BCL2L15: variants seen among roughly 807,000 people sequenced by gnomAD.
The protein encoded by BCL2L15 is BCL2 like 15.
Under a neutral mutation model 18.3 loss-of-function variants are expected in BCL2L15, and 15 were observed. The ratio of observed to expected loss-of-function variants is 0.82; its 90% CI spans 0.55 to 1.26. The LOEUF (loss-of-function observed/expected upper bound fraction) is 1.26. Ranked by LOEUF, BCL2L15 falls within the 50% of genes most tolerant of loss-of-function variation. The pLI is 0.00. For missense variants in BCL2L15, 180 were observed against 201.7 expected (o/e 0.89, Z 0.65); for synonymous variants, 58 against 68.5 (o/e 0.85, Z 0.76).
intron 2 of BCL2L15, among the ~76,000 whole-genome samples, chr1:113,883,158 G>A (rs1666929947): frequency 6.6e-6 from 1 of 152,000 alleles, no homozygotes; most frequent in African/African-American, 2.4e-5. Flanking sequence ...AGAGCACCTA[G>A]ATCTTGATTT....
chr1:113,878,157 A>G lies in BCL2L15; in HGVS notation c.*2966T>C, dbSNP rs1191854244. 1 of 152,270 alleles carries G rather than the reference A, an allele frequency of 6.6e-6. No individual in the cohort carries two copies. The highest frequency in any genetic ancestry group is 1.5e-5 in the Non-Finnish European group (1 of 68,034). 9.4% of individuals were successfully genotyped at this position (152,270 alleles called of 1,614,324 possible). ...ATGGCACAGTGTTTAAAATATTCCA[A>G]GTACTCACCCTTTACAAAATGTATT... On this transcript the variant is annotated 3_prime_UTR_variant, in exon 4 of 4. Transcript: ENST00000393316.
In BCL2L15 at chr1:113,881,759, C is replaced by T; in HGVS notation, c.474+14G>A. The T allele has an allele frequency of 6.2e-7, 1 of 1,610,960 alleles. No homozygotes were observed. The highest frequency in any genetic ancestry group is 8.5e-7 in the Non-Finnish European group (1 of 1,177,812). On this transcript the variant is annotated intron_variant, in intron 3 of 3. Transcript: ENST00000393316. Reference sequence around the variant, plus strand: ...GCAAATACCTAGCAAAACCAGGAGCCCCAACAAACTTACCCAACCTCCCTG... The same window carrying T: ...GCAAATACCTAGCAAAACCAGGAGCTCCAACAAACTTACCCAACCTCCCTG...
chr1:113,886,669 G>A lies in BCL2L15; in HGVS notation c.128-11C>T. The A allele has an allele frequency of 6.3e-7, 1 of 1,592,286 alleles. No homozygotes were observed. Among genetic ancestry groups the A allele is most frequent in the Non-Finnish European group, 8.5e-7 (1 of 1,173,494 alleles). ...AAGAACAAGGCTCTCCTATGACAGA[G>A]GGAACACATTTGTTACAATGCTTGA... On this transcript the variant is annotated splice_polypyrimidine_tract_variant and intron_variant, in intron 1 of 3. Coordinates refer to ENST00000393316, the MANE Select transcript of BCL2L15 (RefSeq NM_001010922.3).
chr1:113,882,849 A>G (rs1666920417), intron 2 of BCL2L15, among the ~76,000 whole-genome samples: 1 of 152,124 alleles, frequency 6.6e-6, no homozygotes. Context: ...CTGAGGTTGG[A>G]GGATCACTTA....
Position 113,877,648 on chromosome 1 carries a change from A to G in BCL2L15, c.*3475T>C, listed in dbSNP as rs1233617764. On this transcript the variant is annotated 3_prime_UTR_variant, in exon 4 of 4. Transcript: ENST00000393316. Reference sequence around the variant, plus strand: ...TGATACCATATCTAAAAATGAATCAAAATAATAGACAAAGAAACCACAGCT... The same window carrying G: ...TGATACCATATCTAAAAATGAATCAGAATAATAGACAAAGAAACCACAGCT... Among the ~76,000 whole-genome samples, 2 of 152,232 alleles carry G rather than the reference A, an allele frequency of 1.3e-5. No individual in the cohort carries two copies. The highest frequency in any genetic ancestry group is 2.9e-5 in the Non-Finnish European group (2 of 68,036).
At chr1:113,886,417 T>C (rs1667036955) in intron 2 of BCL2L15, 120 bp downstream of exon 2, 1 of 1,151,756 alleles carries the variant, frequency 8.7e-7, no homozygotes, top group Non-Finnish European at 1.2e-6. Context: ...TTCCTTGAAA[T>C]ATAAGCACCC....
At chr1:113,883,431 G>A (rs1165930969) in intron 2 of BCL2L15, among the ~76,000 whole-genome samples, 7 of 150,744 alleles carry the variant, frequency 4.6e-5, no homozygotes, top group Admixed American at 3.3e-4. Context: ...GAAGAGAGCC[G>A]AGATTGCGCC....
Position 113,887,431 on chromosome 1 carries a change from A to G in BCL2L15, c.-56T>C. On this transcript the variant is annotated 5_prime_UTR_variant, in exon 1 of 4. Transcript: ENST00000393316. ...CCACGAAACAAGCAGTTTTCAGCCC[A>G]GCAGGAAGTTAAAAACACTGGTAAA... 1 of 1,610,880 alleles carries G rather than the reference A, an allele frequency of 6.2e-7. No homozygotes were observed. The highest frequency in any genetic ancestry group is 8.5e-7 in the Non-Finnish European group (1 of 1,177,980).
chr1:113,877,018 A>G lies in BCL2L15; in HGVS notation c.*4105T>C, dbSNP rs1020580986. ...AAGAAACATAAAAGTGGTACAAACA[A>G]AAGTTCAAGGAGGCAAAGACCACTT... is the stretch of plus-strand genomic sequence containing the variant. On this transcript the variant is annotated 3_prime_UTR_variant, in exon 4 of 4. Transcript: ENST00000393316. Among the ~76,000 whole-genome samples the G allele has an allele frequency of 4.6e-5, 7 of 152,164 alleles. No homozygotes were observed. The highest frequency in any genetic ancestry group is 1.7e-4 in the African/African-American group (7 of 41,436).
At position 113,887,282 on chromosome 1, in the gene BCL2L15, G is replaced by A. The variant is rs528339863; in HGVS notation, c.94C>T (p.Arg32Trp). ...FLSPTLQVAS[R>W]NLCCVDEVDS... ...ACTTCATCTACACAGCATAGGTTCC[G>A]GCTGGCAACCTGCAATGTTGGGCTC... Residue 32 changes from arginine (R) to tryptophan (W), a missense_variant, in exon 1 of 4, where the codon CGG (arginine) becomes TGG (tryptophan). Physicochemically the swap from Arg to Trp is moderately radical, Grantham distance 101. Transcript: ENST00000393316. The A allele has an allele frequency of 3.2e-5, 51 of 1,614,106 alleles. No individual in the cohort carries two copies. Among genetic ancestry groups the A allele is most frequent in the South Asian group, 1.8e-4 (16 of 91,080 alleles).
Position 113,881,973 on chromosome 1 carries a change from C to G in BCL2L15, c.274G>C (p.Val92Leu). 1.2e-6 allele frequency: 2 copies of G among 1,613,940 alleles called. No individual in the cohort carries two copies. The highest frequency in any genetic ancestry group is 1.7e-6 in the Non-Finnish European group (2 of 1,179,838). Reference sequence around the variant, plus strand: ...CACCAGGTCTTGCTGAGAGATTCCACAGTGTCCTGGAGTATAGCTCCTGTC... The same window carrying G: ...CACCAGGTCTTGCTGAGAGATTCCAGAGTGTCCTGGAGTATAGCTCCTGTC... ...GQTGAILQDT[V>L]ESLSKTWCAQ... The change falls in exon 3 of 4, where the codon GTG (valine) becomes CTG (leucine). Residue 92 changes from valine to leucine, a missense_variant. Val to Leu is a conservative substitution (Grantham distance 32). Coordinates refer to ENST00000393316, the MANE Select transcript of BCL2L15 (RefSeq NM_001010922.3).
At chr1:113,883,918 G>C (rs1666958569) in intron 2 of BCL2L15, among the ~76,000 whole-genome samples, 1 of 152,208 alleles carries the variant, frequency 6.6e-6, no homozygotes, top group South Asian at 2.1e-4. Flanking sequence ...ATGCAGTCTA[G>C]AGTGAAAGGA....
chr1:113,882,518 G>A (rs1666905866), intron 2 of BCL2L15, among the ~76,000 whole-genome samples: 1 of 151,896 alleles, frequency 6.6e-6, no homozygotes, highest in South Asian at 2.1e-4. Flanking sequence ...GGTGGTACAG[G>A]CCTGTAATCC....
chr1:113,881,003 G>A lies in BCL2L15; in HGVS notation c.*120C>T. 1 of 1,415,788 alleles carries A rather than the reference G, an allele frequency of 7.1e-7. No homozygotes were observed. The highest frequency in any genetic ancestry group is 9.9e-7 in the Non-Finnish European group (1 of 1,008,764). 87.7% of individuals were successfully genotyped at this position (1,415,788 alleles called of 1,614,324 possible). ...AGTAAAAAATAACTTATTCAGCTAA[G>A]TTCAGTTCTGATAAAATGAAAAAAG... On this transcript the variant is annotated 3_prime_UTR_variant, in exon 4 of 4. Coordinates refer to ENST00000393316, the MANE Select transcript of BCL2L15 (RefSeq NM_001010922.3).
chr1:113,878,138 C>T lies in BCL2L15; in HGVS notation c.*2985G>A, dbSNP rs34857922. On this transcript the variant is annotated 3_prime_UTR_variant, in exon 4 of 4. Transcript: ENST00000393316. ...ACAGAATTCCAAATTGCTAATGGCA[C>T]AGTGTTTAAAATATTCCAAGTACTC... 0.22 allele frequency: 33,977 copies of T among 152,194 alleles called. 4,775 individuals are homozygous for T. Among genetic ancestry groups the T allele is most frequent in the South Asian group, 0.39 (1,888 of 4,810 alleles). 9.4% of individuals were successfully genotyped at this position (152,194 alleles called of 1,614,324 possible). A position where few individuals can be genotyped will look rare whatever the true frequency, so the allele number is the denominator to read the frequency against.
intron 3 of BCL2L15, 199 bp downstream of exon 3, chr1:113,881,574 C>CG: frequency 7.1e-7 from 1 of 1,415,390 alleles, no homozygotes; most frequent in Non-Finnish European, 9.2e-7. Flanking sequence ...TAGCATGACT[C>CG]GAGTCCAACA....
chr1:113,885,476 C>T (rs1667001166), intron 2 of BCL2L15, among the ~76,000 whole-genome samples: 1 of 151,986 alleles, frequency 6.6e-6, no homozygotes, highest in East Asian at 2.0e-4. Flanking sequence ...GGCTGGAGAA[C>T]AGTGGTGTGA....
intron 2 of BCL2L15, among the ~76,000 whole-genome samples, chr1:113,883,712 A>G (rs927114243): frequency 3.3e-5 from 5 of 152,086 alleles, no homozygotes; most frequent in African/African-American, 4.8e-5. Context: ...TGAATCCGAG[A>G]GGCAGGGGTT....
rs753383105 is a variant in BCL2L15, at chr1:113,887,273, A to G, written c.103T>C (p.Cys35Arg). The G allele has an allele frequency of 4.3e-6, 7 of 1,614,126 alleles. No homozygotes were observed. ...PTLQVASRNL[C>R]CVDEVDSGEP... is the part of the protein sequence containing the mutation. Reference sequence around the variant, plus strand: ...CCTGAATCTACTTCATCTACACAGCATAGGTTCCGGCTGGCAACCTGCAAT... The same window carrying G: ...CCTGAATCTACTTCATCTACACAGCGTAGGTTCCGGCTGGCAACCTGCAAT... Residue 35 changes from cysteine (C) to arginine (R), a missense_variant, in exon 1 of 4, where the codon TGC becomes CGC. Coordinates refer to ENST00000393316, the MANE Select transcript of BCL2L15 (RefSeq NM_001010922.3).
Sources: allele counts gnomAD v4.1 joint callset (sites outside exome capture counted in the v4.1 genomes callset), GRCh38; gene constraint gnomAD v4.1.1; transcripts MANE v1.5; gene names NCBI Gene and HGNC (gene_info 2026-07-23, HGNC 2026-07-21).